PCDH11X: variants seen among roughly 807,000 people sequenced by gnomAD.
PCDH11X encodes protocadherin-11 X-linked.
PCDH11X carries 18 observed loss-of-function variants against 53.3 expected under a neutral mutation model. The observed-to-expected ratio is 0.34, with a 90% CI of 0.23 to 0.50. PCDH11X has a LOEUF of 0.50. Among genes scored for constraint, PCDH11X ranks in the 20% least tolerant of loss-of-function variants. PCDH11X has a pLI of 0.98. For missense variants in PCDH11X, 570 were observed against 1,032.4 expected (o/e 0.55, Z 6.14); for synonymous variants, 279 against 393.3 (o/e 0.71, Z 3.44).
At chrX:92,212,417 C>A (rs1179373628) in intron 7 of PCDH11X, among the ~76,000 whole-genome samples, 1 of 111,701 alleles carries the variant, frequency 9.0e-6, no homozygotes, top group African/African-American at 3.3e-5. Flanking sequence ...ATGGCACTAT[C>A]TCGGTTCACT....
At chrX:92,518,796 G>A (rs1167203169) in intron 10 of PCDH11X, among the ~76,000 whole-genome samples, 11 of 81,176 alleles carry the variant, frequency 1.4e-4, no homozygotes, top group Admixed American at 1.9e-4. Flanking sequence ...TCGCTCTGTC[G>A]CCCAGGCTGG....
chrX:92,341,688 G>A (rs183525062), intron 8 of PCDH11X, among the ~76,000 whole-genome samples: 1 of 111,172 alleles, frequency 9.0e-6, no homozygotes, highest in African/African-American at 3.3e-5. Flanking sequence ...CAATAGGATG[G>A]TACTAAACCA....
intron 10 of PCDH11X, among the ~76,000 whole-genome samples, chrX:92,510,236 C>T (rs915275911): frequency 3.9e-5 from 4 of 103,280 alleles, no homozygotes; most frequent in African/African-American, 1.4e-4. Context: ...AACATCTTGT[C>T]TATAGAGGTA....
At chrX:92,516,950 C>A (rs972279070) in intron 10 of PCDH11X, among the ~76,000 whole-genome samples, 1 of 112,115 alleles carries the variant, frequency 8.9e-6, no homozygotes, top group East Asian at 2.8e-4. Context: ...ATGATAGGCA[C>A]GACTGGGTGT....
intron 8 of PCDH11X, among the ~76,000 whole-genome samples, chrX:92,308,716 G>A (rs1254124924): frequency 9.0e-6 from 1 of 110,977 alleles, no homozygotes; most frequent in African/African-American, 3.3e-5. Context: ...CAGAATTAGA[G>A]AAAGTATTTG....
intron 6 of PCDH11X, chrX:91,982,823 A>G: frequency 2.4e-6 from 2 of 828,172 alleles, no homozygotes; most frequent in Non-Finnish European, 3.7e-6. Flanking sequence ...CTTCAGGGTC[A>G]ATCAAATACT....
intron 6 of PCDH11X, among the ~76,000 whole-genome samples, chrX:91,921,314 A>G (rs1207890941): frequency 1.8e-5 from 2 of 110,881 alleles, no homozygotes; most frequent in Non-Finnish European, 3.8e-5. Flanking sequence ...TTACACATCA[A>G]TATCACCCAA....
At position 91,894,304 on chromosome X, in the gene PCDH11X, CA is replaced by C. The variant is rs777037389; in HGVS notation, c.3033+15032del. Among the ~76,000 whole-genome samples the C allele has an allele frequency of 7.2e-5, 8 of 111,823 alleles. No individual in the cohort carries two copies. The East Asian group carries it at 2.2e-3, about 31-fold the overall frequency. On this transcript the variant is annotated intron_variant, in intron 6 of 10. Transcript: ENST00000682573. Reference sequence around the variant, plus strand: ...AAGTCGGTGACTATTTTCTTCAGTGCACATACCTTGGTAATAGAGGGTCATT... The same window carrying C: ...AAGTCGGTGACTATTTTCTTCAGTGCCATACCTTGGTAATAGAGGGTCATT...
intron 6 of PCDH11X, among the ~76,000 whole-genome samples, chrX:91,985,700 T>C (rs1340439611): frequency 2.7e-5 from 3 of 111,633 alleles, no homozygotes; most frequent in Non-Finnish European, 1.9e-5. Context: ...AACTTTTAAA[T>C]ACAACCTTCT....
intron 1 of PCDH11X, among the ~76,000 whole-genome samples, chrX:91,809,240 T>G (rs1936220446): frequency 9.0e-6 from 1 of 111,507 alleles, no homozygotes; most frequent in Non-Finnish European, 1.9e-5. Context: ...ACTCTTCCAA[T>G]CTTTCTTCCT....
At chrX:92,018,247 A>G (rs1044908941) in intron 6 of PCDH11X, among the ~76,000 whole-genome samples, 1 of 112,171 alleles carries the variant, frequency 8.9e-6, no homozygotes, top group African/African-American at 3.2e-5. Context: ...AGACAAATAG[A>G]TGTCAATAAA....
intron 4 of PCDH11X, among the ~76,000 whole-genome samples, chrX:91,824,468 G>A (rs1412835971): frequency 2.6e-4 from 29 of 110,661 alleles, no homozygotes; most frequent in Non-Finnish European, 4.9e-4. Context: ...TGATCGCATC[G>A]GCTCCTGAGG....
chrX:92,602,085 G>C (rs916552693), intron 10 of PCDH11X, among the ~76,000 whole-genome samples: 1 of 111,823 alleles, frequency 8.9e-6, no homozygotes, highest in African/African-American at 3.3e-5. Context: ...GCATCTAAAA[G>C]AAGCAGGCTA....
intron 6 of PCDH11X, among the ~76,000 whole-genome samples, chrX:91,970,159 T>A (rs1385427365): frequency 9.0e-6 from 1 of 111,017 alleles, no homozygotes; most frequent in East Asian, 2.9e-4. Context: ...ACAGTGAGTG[T>A]TACAGCTCTT....
chrX:91,996,140 CTTT>C (rs753881311), intron 6 of PCDH11X, among the ~76,000 whole-genome samples: 2 of 66,602 alleles, frequency 3.0e-5, no homozygotes, highest in Non-Finnish European at 5.6e-5. Context: ...CACGCCTGGC[CTTT>C]TTTTTTTTTT....
chrX:92,096,825 G>A (rs79802151), intron 6 of PCDH11X, among the ~76,000 whole-genome samples: 4,297 of 111,004 alleles, frequency 0.039, 208 homozygotes, highest in African/African-American at 0.13. Flanking sequence ...GGAATTATGA[G>A]AGCTACAATT....
chrX:92,065,221 A>G (rs2063589475), intron 6 of PCDH11X, among the ~76,000 whole-genome samples: 2 of 103,449 alleles, frequency 1.9e-5, no homozygotes, highest in Non-Finnish European at 3.9e-5. Context: ...TAAGTGTCAC[A>G]TTTTCCTTAT....
intron 6 of PCDH11X, among the ~76,000 whole-genome samples, chrX:92,026,560 A>G (rs2062972913): frequency 9.6e-6 from 1 of 104,113 alleles, no homozygotes; most frequent in Non-Finnish European, 1.9e-5. Flanking sequence ...AGTGATGTGA[A>G]TGAAACAAAA....
intron 6 of PCDH11X, among the ~76,000 whole-genome samples, chrX:92,019,565 A>G (rs1207141243): frequency 8.9e-6 from 1 of 112,010 alleles, no homozygotes; most frequent in Non-Finnish European, 1.9e-5. Flanking sequence ...TTTTCTTAAA[A>G]CCATACGATT....
Sources: gnomAD v4.1 joint callset for allele counts (sites outside exome capture counted in the v4.1 genomes callset) on GRCh38, gnomAD v4.1.1 for gene constraint, MANE v1.5 for transcripts, NCBI Gene and HGNC (gene_info 2026-07-23, HGNC 2026-07-21) for gene names.